Variants in C1orf167 observed in about 807,000 individuals in gnomAD.
C1orf167 encodes the protein uncharacterized protein C1orf167.
C1orf167 carries 153 observed loss-of-function variants against 176.5 expected under a neutral mutation model. That is an observed-to-expected ratio of 0.87 (90% CI 0.76 to 0.99). The LOEUF is 0.99. Ranked by LOEUF, C1orf167 falls within the 50% of genes least tolerant of loss-of-function variation. C1orf167 has a pLI of 0.00. For synonymous variants in C1orf167, 594 were observed against 752.7 expected, an observed-to-expected ratio of 0.79 and a Z score of 3.45; for missense variants, 1,490 against 1,817.7, an observed-to-expected ratio of 0.82 and a Z score of 3.28.
In C1orf167 at chr1:11,782,220, A is replaced by G. The variant is rs1327309070; in HGVS notation, c.2892A>G (p.Thr964=). The change falls in exon 14 of 21, where the codon ACA becomes ACG. Residue 964 remains threonine, a synonymous_variant. Coordinates refer to ENST00000688073, the MANE Select transcript of C1orf167 (RefSeq NM_001010881.2). ...GQQFLHEKCQ[T]WVQVHLQGLQ... ...AGTTCCTGCATGAAAAGTGCCAGAC[A>G]TGGGTGCAGGTCCACCTCCAGGGCC... 14 of 1,297,012 alleles carry G rather than the reference A, an allele frequency of 1.1e-5. No homozygotes were observed. The highest frequency in any genetic ancestry group is 6.1e-5 in the African/African-American group (4 of 65,524). The allele number at this position is 1,297,012 out of a possible 1,614,324, so 80.3% of individuals were successfully genotyped here.
chr1:11,784,615 C>T, intron 15 of C1orf167, 22 bp downstream of exon 15: 1 of 1,213,496 alleles, frequency 8.2e-7, no homozygotes, highest in South Asian at 1.5e-5. Flanking sequence ...GGTCTAAGTG[C>T]AGCCCCACTC....
At chr1:11,783,499 T>A (rs1643688288) in intron 14 of C1orf167, among the ~76,000 whole-genome samples, 2 of 152,060 alleles carry the variant, frequency 1.3e-5, no homozygotes, top group Non-Finnish European at 2.9e-5. Context: ...CGCCCGCCTC[T>A]GCCTCCCAAA....
chr1:11,782,933 AAAAGG>A (rs1363436789), intron 14 of C1orf167, among the ~76,000 whole-genome samples: 5 of 150,142 alleles, frequency 3.3e-5, no homozygotes, highest in Admixed American at 1.3e-4. Flanking sequence ...AAAAAAAAAA[AAAAGG>A]AGGAGAAATC....
chr1:11,774,634 C>T (rs576978184), intron 8 of C1orf167, among the ~76,000 whole-genome samples: 34 of 152,094 alleles, frequency 2.2e-4, no homozygotes, highest in Non-Finnish European at 4.1e-4. Context: ...GTAGCAGAGC[C>T]GAATTGGACC....
At chr1:11,772,565 C>T (rs1050820120) in intron 8 of C1orf167, among the ~76,000 whole-genome samples, 2 of 152,360 alleles carry the variant, frequency 1.3e-5, no homozygotes, top group East Asian at 3.9e-4. Context: ...GCATGCCTGG[C>T]CCCCACTTCC....
At position 11,788,340 on chromosome 1, in the gene C1orf167, G is replaced by T. The variant is rs1184689015; in HGVS notation, c.4040G>T (p.Gly1347Val). ...QVPGSGMAALGGCPRGRAAGA... is the reference protein window; with the variant it reads ...QVPGSGMAALVGCPRGRAAGA... ...CCTGGCAGTGGCATGGCAGCACTGG[G>T]TGGATGCCCAAGGGGCAGAGCAGCT... Residue 1347 changes from glycine (G) to valine (V), a missense_variant, in exon 19 of 21, where the codon GGT becomes GTT. Physicochemically the swap from Gly to Val is moderately radical, Grantham distance 109. Coordinates refer to ENST00000688073, the MANE Select transcript of C1orf167 (RefSeq NM_001010881.2). The T allele has an allele frequency of 2.3e-6, 3 of 1,301,108 alleles. No homozygotes were observed. Among genetic ancestry groups the T allele is most frequent in the Non-Finnish European group, 3.0e-6 (3 of 987,066 alleles). 80.6% of individuals were successfully genotyped at this position (1,301,108 alleles called of 1,614,324 possible). A position where few individuals can be genotyped will look rare whatever the true frequency, so the allele number is the denominator to read the frequency against.
At position 11,779,001 on chromosome 1, in the gene C1orf167, C is replaced by A; in HGVS notation, c.2572C>A (p.Gln858Lys). 7.7e-7 allele frequency: 1 copy of A among 1,302,672 alleles called. No individual in the cohort carries two copies. Among genetic ancestry groups the A allele is most frequent in the Admixed American group, 2.3e-5 (1 of 43,410 alleles). The allele number at this position is 1,302,672 out of a possible 1,614,324, so 80.7% of individuals were successfully genotyped here. A position where few individuals can be genotyped will look rare whatever the true frequency, so the allele number is the denominator to read the frequency against. Residue 858 changes from glutamine to lysine, a missense_variant, in exon 12 of 21, where the codon CAG becomes AAG. Gln to Lys is a moderately conservative substitution (Grantham distance 53). Transcript: ENST00000688073. ...LWAAGQRQQG[Q>K]CLLLWQARAQ... ...GGCAGCTGGGCAGCGGCAGCAGGGGCAGTGCCTTCTGCTCTGGCAGGCACG... is the reference window on the plus strand; with the variant it reads ...GGCAGCTGGGCAGCGGCAGCAGGGGAAGTGCCTTCTGCTCTGGCAGGCACG...
intron 13 of C1orf167, 41 bp from the exon 14 acceptor site, chr1:11,782,148 G>A: frequency 8.1e-7 from 1 of 1,235,898 alleles, no homozygotes; most frequent in African/African-American, 1.6e-5. Context: ...GAGAGGCTGG[G>A]GTGAGCACCC....
At chr1:11,774,680 G>A (rs993911469) in intron 8 of C1orf167, among the ~76,000 whole-genome samples, 31 of 152,178 alleles carry the variant, frequency 2.0e-4, no homozygotes, top group African/African-American at 7.0e-4. Flanking sequence ...GAGGGTAGTT[G>A]AAGATGAGAT....
intron 16 of C1orf167, chr1:11,786,390 G>A (rs4845884): frequency 0.94 from 143,058 of 152,284 alleles, 67,853 homozygotes; most frequent in East Asian, 1. Context: ...CAAAGAATAC[G>A]TTTTAGAGAA....
At chr1:11,776,787 CCTGG>C in intron 10 of C1orf167, 149 bp downstream of exon 10, 1 of 764,300 alleles carries the variant, frequency 1.3e-6, no homozygotes, top group Non-Finnish European at 1.8e-6. Context: ...CTGCACAGGG[CCTGG>C]CACACTGCGG....
Position 11,784,294 on chromosome 1 carries a change from A to G in C1orf167, c.3126A>G (p.Glu1042=). Residue 1042 remains glutamate (E), a synonymous_variant, in exon 15 of 21, where the codon GAA becomes GAG. Transcript: ENST00000688073. ...GGGCCGTGTTTGCCACATGGCGGGA[A>G]GCCCAGGAAGTGGCAGCCGGGGCAC... ...ALGAVFATWR[E]AQEVAAGAQE... The G allele has an allele frequency of 1.5e-6, 2 of 1,303,664 alleles. No individual in the cohort carries two copies. 80.8% of individuals were successfully genotyped at this position (1,303,664 alleles called of 1,614,324 possible). A position where few individuals can be genotyped will look rare whatever the true frequency, so the allele number is the denominator to read the frequency against.
chr1:11,769,770 C>T (rs1473286617), intron 6 of C1orf167, among the ~76,000 whole-genome samples: 1 of 149,554 alleles, frequency 6.7e-6, no homozygotes, highest in African/African-American at 2.5e-5. Context: ...CTCCCAGGTT[C>T]ACGCCATTCT....
chr1:11,766,162 A>C lies in C1orf167; in HGVS notation c.376A>C (p.Ser126Arg). Residue 126 changes from serine to arginine, a missense_variant, in exon 3 of 21, where the codon AGC becomes CGC. Transcript: ENST00000688073. This position sits in a 1 kb window ranked among gnomAD's most constrained non-coding sequence, Gnocchi z 4.5. ...REFAIQQSNL[S>R]INETSSPHLC... is the part of the protein sequence containing the mutation. ...GTTTGCCATCCAGCAGAGCAACCTG[A>C]GCATCAACGAGACCAGCAGCCCCCA... 7.8e-7 allele frequency: 1 copy of C among 1,289,778 alleles called. No homozygotes were observed. The highest frequency in any genetic ancestry group is 1.2e-5 in the South Asian group (1 of 81,034). The allele number at this position is 1,289,778 out of a possible 1,614,324, so 79.9% of individuals were successfully genotyped here. A position where few individuals can be genotyped will look rare whatever the true frequency, so the allele number is the denominator to read the frequency against.
intron 17 of C1orf167, 73 bp downstream of exon 17, chr1:11,787,566 G>T (rs1463210812): frequency 4.6e-6 from 5 of 1,078,330 alleles, no homozygotes; most frequent in Non-Finnish European, 4.9e-6. Flanking sequence ...GTCCTCAGGG[G>T]CCTGGAAATC....
In C1orf167 at chr1:11,788,285, C is replaced by T. The variant is rs946857648; in HGVS notation, c.3985C>T (p.Arg1329Trp). 2.5e-5 allele frequency: 32 copies of T among 1,303,640 alleles called. No individual in the cohort carries two copies. Among genetic ancestry groups the T allele is most frequent in the African/African-American group, 3.0e-5 (2 of 65,882 alleles). 80.8% of individuals were successfully genotyped at this position (1,303,640 alleles called of 1,614,324 possible). Residue 1329 changes from arginine (R) to tryptophan (W), a missense_variant, in exon 19 of 21, where the codon CGG (arginine) becomes TGG (tryptophan). By Grantham distance (101) the Arg-to-Trp change is moderately radical. Transcript: ENST00000688073. ...GCCGGTGCCTCGAGGCACTGCTTCACGGGCTGCGGGGTTCCCAGCAGGCCA... is the reference window on the plus strand; with the variant it reads ...GCCGGTGCCTCGAGGCACTGCTTCATGGGCTGCGGGGTTCCCAGCAGGCCA... ...AAPVPRGTAS[R>W]AAGFPAGQVP...
intron 14 of C1orf167, 21 bp downstream of exon 14, chr1:11,782,354 G>A: frequency 2.2e-6 from 2 of 908,546 alleles, no homozygotes; most frequent in Non-Finnish European, 3.0e-6. Context: ...CTGGGGGTGG[G>A]AGGGTGTTGG....
intron 20 of C1orf167, chr1:11,789,031 GC>G (rs1191883138): frequency 2.5e-6 from 1 of 393,516 alleles, no homozygotes; most frequent in Non-Finnish European, 4.8e-6. Flanking sequence ...CCCATGGAGG[GC>G]CTGGGTCCTG....
chr1:11,786,653 CTT>C (rs1383074294), intron 16 of C1orf167: 1 of 147,980 alleles, frequency 6.8e-6, no homozygotes, highest in African/African-American at 2.5e-5. Flanking sequence ...GTTGCCAGGG[CTT>C]GTCTCAAACT....
Sources: gnomAD v4.1 joint callset for allele counts (sites outside exome capture counted in the v4.1 genomes callset) on GRCh38, gnomAD v4.1.1 for gene constraint, Gnocchi (gnomAD v3.1) non-coding constraint, MANE v1.5 for transcripts, NCBI Gene and HGNC (gene_info 2026-07-23, HGNC 2026-07-21) for gene names.